DNAJC6: variants seen among roughly 807,000 people sequenced by gnomAD.
DNAJC6 encodes the protein auxilin.
DNAJC6 carries 34 observed loss-of-function variants against 110.0 expected under a neutral mutation model. The ratio of observed to expected loss-of-function variants is 0.31; its 90% CI spans 0.24 to 0.41. The LOEUF (loss-of-function observed/expected upper bound fraction) is 0.41. Among genes scored for constraint, DNAJC6 ranks in the 10% least tolerant of loss-of-function variants. The probability of loss-of-function intolerance (pLI) is 1.00; values close to 1 mark genes in which losing one functional copy is unlikely to be tolerated. For missense variants in DNAJC6, 1,031 were observed against 1,207.8 expected, an observed-to-expected ratio of 0.85 and a Z score of 2.17; for synonymous variants, 406 against 437.2, an observed-to-expected ratio of 0.93 and a Z score of 0.89.
intron 4 of DNAJC6, among the ~76,000 whole-genome samples, chr1:65,370,622 ACTGT>A (rs1645696415): frequency 6.6e-6 from 1 of 152,144 alleles, no homozygotes. Flanking sequence ...TCCTTCTTCC[ACTGT>A]TTACCCAGGA....
intron 1 of DNAJC6, among the ~76,000 whole-genome samples, chr1:65,315,834 C>G (rs75952506): frequency 0.011 from 1,689 of 152,200 alleles, 13 homozygotes; most frequent in Non-Finnish European, 0.018. Flanking sequence ...CATACGATTG[C>G]AAATGAAGAA....
At chr1:65,343,270 A>G (rs183350083) in intron 1 of DNAJC6, among the ~76,000 whole-genome samples, 88 of 152,288 alleles carry the variant, frequency 5.8e-4, no homozygotes, top group Non-Finnish European at 8.4e-4. Context: ...GGATTTATGC[A>G]TATAATTTTT....
intron 13 of DNAJC6, among the ~76,000 whole-genome samples, chr1:65,398,016 G>A (rs1645995673): frequency 6.6e-6 from 1 of 152,072 alleles, no homozygotes; most frequent in South Asian, 2.1e-4. Context: ...AAACCTAGAG[G>A]TGCCTCAGAA....
chr1:65,357,850 C>G (rs1321578139), intron 1 of DNAJC6, among the ~76,000 whole-genome samples: 1 of 152,136 alleles, frequency 6.6e-6, no homozygotes, highest in African/African-American at 2.4e-5. Flanking sequence ...TAGCACTTGG[C>G]TCTTTATTTT....
intron 1 of DNAJC6, among the ~76,000 whole-genome samples, chr1:65,300,927 T>A (rs1418556265): frequency 6.6e-6 from 1 of 152,140 alleles, no homozygotes; most frequent in Non-Finnish European, 1.5e-5. Context: ...TTAGGTACAA[T>A]GGGGTTGCAA....
At position 65,406,099 on chromosome 1, in the gene DNAJC6, C is replaced by T; in HGVS notation, c.2457C>T (p.Gly819=). The T allele has an allele frequency of 6.2e-7, 1 of 1,614,056 alleles. No individual in the cohort carries two copies. Among genetic ancestry groups the T allele is most frequent in the Non-Finnish European group, 8.5e-7 (1 of 1,179,998 alleles). ...YNVSFSAMPG[G]QNERGKGSSN... ...TGAGCTTCTCAGCCATGCCTGGGGG[C>T]CAGAACGAACGTGGGAAAGGATCAA... Residue 819 remains glycine, a synonymous_variant, in exon 16 of 19, where the codon GGC becomes GGT. Transcript: ENST00000371069.
At chr1:65,359,830 A>G (rs1175740590) in intron 1 of DNAJC6, among the ~76,000 whole-genome samples, 1 of 152,216 alleles carries the variant, frequency 6.6e-6, no homozygotes, top group East Asian at 1.9e-4. Context: ...AACCATAGGC[A>G]AGATGTAAAC....
chr1:65,312,418 G>A (rs1021166683), intron 1 of DNAJC6, among the ~76,000 whole-genome samples: 1 of 152,206 alleles, frequency 6.6e-6, no homozygotes, highest in Non-Finnish European at 1.5e-5. Context: ...TCCTCAAAGT[G>A]TGGCCTGTGC....
At chr1:65,408,568 A>G (rs1646098529) in intron 16 of DNAJC6, 73 bp from the exon 17 acceptor site, 4 of 1,537,722 alleles carry the variant, frequency 2.6e-6, no homozygotes, top group East Asian at 2.3e-5. Flanking sequence ...AAGACTCCAG[A>G]TGCTGTGAGA....
At chr1:65,267,010 C>T (rs1024716344) in intron 1 of DNAJC6, among the ~76,000 whole-genome samples, 2 of 151,984 alleles carry the variant, frequency 1.3e-5, no homozygotes, top group African/African-American at 4.8e-5. Context: ...GATTCTCCTG[C>T]CTCAGCCTCC....
At chr1:65,274,420 G>A (rs142676322) in intron 1 of DNAJC6, among the ~76,000 whole-genome samples, 5,688 of 152,078 alleles carry the variant, frequency 0.037, 147 homozygotes, top group Non-Finnish European at 0.056. Context: ...GGGTTCAAGC[G>A]ATTCTCCTGC....
At chr1:65,265,838 T>A (rs1457454481) in intron 1 of DNAJC6, among the ~76,000 whole-genome samples, 1 of 152,144 alleles carries the variant, frequency 6.6e-6, no homozygotes. Context: ...CGGAGTCGCG[T>A]GCCCGTCCGG....
At chr1:65,334,042 A>G (rs1322383788) in intron 1 of DNAJC6, among the ~76,000 whole-genome samples, 1 of 152,260 alleles carries the variant, frequency 6.6e-6, no homozygotes, top group African/African-American at 2.4e-5. Context: ...TAATTGAGAA[A>G]AAGATGGCAA....
At chr1:65,354,064 T>C (rs1003832610) in intron 1 of DNAJC6, among the ~76,000 whole-genome samples, 1 of 152,124 alleles carries the variant, frequency 6.6e-6, no homozygotes, top group African/African-American at 2.4e-5. Context: ...ATATTGCACT[T>C]AGGGGACTGT....
At chr1:65,279,203 G>A in intron 1 of DNAJC6, 1 of 977,490 alleles carries the variant, frequency 1.0e-6, no homozygotes, top group Non-Finnish European at 1.2e-6. Context: ...TACAACTTTG[G>A]GGGAGGGGCG....
At chr1:65,371,536 A>G (rs1285425815) in intron 4 of DNAJC6, among the ~76,000 whole-genome samples, 1 of 152,182 alleles carries the variant, frequency 6.6e-6, no homozygotes, top group African/African-American at 2.4e-5. Flanking sequence ...CCCATCCTCC[A>G]AAAATGGTGT....
chr1:65,312,098 A>T (rs1645107070), intron 1 of DNAJC6, among the ~76,000 whole-genome samples: 4 of 152,224 alleles, frequency 2.6e-5, no homozygotes, highest in Admixed American at 2.6e-4. Context: ...AAAGTGTTTC[A>T]TTAAGAATAT....
chr1:65,332,493 A>G (rs1044066552), intron 1 of DNAJC6, among the ~76,000 whole-genome samples: 2 of 152,242 alleles, frequency 1.3e-5, no homozygotes, highest in South Asian at 2.1e-4. Flanking sequence ...TTTGGAATTT[A>G]TTTATTACGG....
At chr1:65,377,695 C>T (rs1402379699) in intron 4 of DNAJC6, among the ~76,000 whole-genome samples, 1 of 152,154 alleles carries the variant, frequency 6.6e-6, no homozygotes, top group East Asian at 1.9e-4. Context: ...CAGAGAAACT[C>T]AATGTGTTTG....
Sources: gnomAD v4.1 joint callset for allele counts (sites outside exome capture counted in the v4.1 genomes callset) on GRCh38, gnomAD v4.1.1 for gene constraint, MANE v1.5 for transcripts, NCBI Gene and HGNC (gene_info 2026-07-23, HGNC 2026-07-21) for gene names.